The following CDKAL1 variants were observed in gnomAD, a reference collection of about 807,000 sequenced individuals.
CDKAL1 encodes CDKAL1 threonylcarbamoyladenosine tRNA methylthiotransferase, also known as threonylcarbamoyladenosine tRNA methylthiotransferase.
Under a neutral mutation model 68.2 loss-of-function variants are expected in CDKAL1, and 32 were observed. That is an observed-to-expected ratio of 0.47 (90% CI 0.35 to 0.63). The LOEUF is 0.63. Among genes scored for constraint, CDKAL1 ranks in the 30% least tolerant of loss-of-function variants. The probability of loss-of-function intolerance (pLI) is 0.00; values close to 1 mark genes in which losing one functional copy is unlikely to be tolerated. For synonymous variants in CDKAL1, 234 were observed against 244.3 expected (o/e 0.96, Z 0.39); for missense variants, 606 against 696.7 (o/e 0.87, Z 1.47).
chr6:20,647,677 T>C (rs561273582), intron 4 of CDKAL1, among the ~76,000 whole-genome samples: 7 of 152,256 alleles, frequency 4.6e-5, no homozygotes, highest in Non-Finnish European at 7.4e-5. Context: ...TCAGGTGGCA[T>C]TGGGAATAAT....
intron 4 of CDKAL1, among the ~76,000 whole-genome samples, chr6:20,592,612 G>A (rs1297872529): frequency 6.6e-6 from 1 of 152,106 alleles, no homozygotes; most frequent in African/African-American, 2.4e-5. Context: ...GGGATCACAG[G>A]CATGTGCCAC....
intron 9 of CDKAL1, among the ~76,000 whole-genome samples, chr6:20,875,988 TA>T (rs1462969949): frequency 1.3e-5 from 2 of 152,236 alleles, no homozygotes; most frequent in Non-Finnish European, 1.5e-5. Context: ...CATTAATTTT[TA>T]TTAAGCACAG....
intron 9 of CDKAL1, among the ~76,000 whole-genome samples, chr6:20,900,473 A>T (rs1183541435): frequency 6.6e-6 from 1 of 152,250 alleles, no homozygotes; most frequent in Non-Finnish European, 1.5e-5. Flanking sequence ...TGCAGTATGC[A>T]AATAACAGCA....
chr6:21,157,547 T>C (rs1357000640), intron 13 of CDKAL1, among the ~76,000 whole-genome samples: 1 of 152,250 alleles, frequency 6.6e-6, no homozygotes, highest in African/African-American at 2.4e-5. Flanking sequence ...TCTTGTTTAT[T>C]TGTTTTTGTA....
At chr6:20,629,912 G>A (rs1013249647) in intron 4 of CDKAL1, among the ~76,000 whole-genome samples, 18 of 151,882 alleles carry the variant, frequency 1.2e-4, no homozygotes, top group South Asian at 2.1e-4. Flanking sequence ...GGAGTGCAGC[G>A]GCACGATCTT....
intron 9 of CDKAL1, among the ~76,000 whole-genome samples, chr6:20,903,217 G>A (rs992891193): frequency 5.9e-5 from 9 of 151,998 alleles, no homozygotes; most frequent in Middle Eastern, 3.2e-3. Flanking sequence ...AGACACACAC[G>A]AACAACTTTA....
chr6:21,108,282 A>T (rs1773948378), intron 12 of CDKAL1, 119 bp from the exon 13 acceptor site: 1 of 221,900 alleles, frequency 4.5e-6, no homozygotes. Flanking sequence ...GAATCTCTTA[A>T]AAAAAAAAAA....
In CDKAL1 at chr6:21,066,765, G is replaced by T. The variant is rs114890348; in HGVS notation, c.1236+1537G>T. Among the ~76,000 whole-genome samples, 671 of 152,280 alleles carry T rather than the reference G, an allele frequency of 4.4e-3. 3 individuals are homozygous for T. Among genetic ancestry groups the T allele is most frequent in the African/African-American group, 0.015 (616 of 41,554 alleles). ...GCATCTCAAGTAGCTGGGACTACAG[G>T]TGGGTGCCACCATGCCCAGCTCATT... is the stretch of plus-strand genomic sequence containing the variant. On this transcript the variant is annotated intron_variant, in intron 12 of 15. Transcript: ENST00000274695.
intron 5 of CDKAL1, among the ~76,000 whole-genome samples, chr6:20,686,281 C>G (rs185830846): frequency 6.6e-6 from 1 of 152,114 alleles, no homozygotes; most frequent in African/African-American, 2.4e-5. Context: ...GGAACCAGGC[C>G]GCATAGCAGG....
At chr6:20,918,090 G>A (rs565823328) in intron 9 of CDKAL1, among the ~76,000 whole-genome samples, 2 of 152,152 alleles carry the variant, frequency 1.3e-5, no homozygotes, top group African/African-American at 2.4e-5. Flanking sequence ...CAGCCAGGGC[G>A]ACAGCCCAAG....
intron 13 of CDKAL1, among the ~76,000 whole-genome samples, chr6:21,142,613 TG>T: frequency 6.6e-6 from 1 of 152,316 alleles, no homozygotes; most frequent in Middle Eastern, 3.4e-3. Context: ...AGGAGCATAG[TG>T]CCAGGTATTA....
chr6:20,766,023 A>G (rs1463222530), intron 7 of CDKAL1, among the ~76,000 whole-genome samples: 1 of 152,212 alleles, frequency 6.6e-6, no homozygotes. Flanking sequence ...AAGTATTTTT[A>G]GCCATTAAGG....
At chr6:20,548,773 C>A in intron 4 of CDKAL1, 68 bp downstream of exon 4, 1 of 705,350 alleles carries the variant, frequency 1.4e-6, no homozygotes, top group Non-Finnish European at 2.4e-6. Context: ...GATAAATAGC[C>A]TAGCAGTTAA....
At chr6:20,729,906 G>A (rs1244225390) in intron 5 of CDKAL1, among the ~76,000 whole-genome samples, 1 of 152,110 alleles carries the variant, frequency 6.6e-6, no homozygotes, top group Non-Finnish European at 1.5e-5. Flanking sequence ...AATGTGCCAG[G>A]CATACTCTAA....
intron 4 of CDKAL1, among the ~76,000 whole-genome samples, chr6:20,597,980 G>C (rs538606439): frequency 5.8e-4 from 88 of 152,182 alleles, no homozygotes; most frequent in Non-Finnish European, 5.6e-4. Context: ...TGTTAAAAAA[G>C]GATGTGAGTG....
chr6:21,181,097 G>C (rs1235191418), intron 13 of CDKAL1, among the ~76,000 whole-genome samples: 3 of 152,280 alleles, frequency 2.0e-5, no homozygotes, highest in African/African-American at 7.2e-5. Context: ...GAGGGTAGGA[G>C]TAAGAGAGAG....
chr6:21,190,046 C>G (rs1323072518), intron 13 of CDKAL1, among the ~76,000 whole-genome samples: 20 of 152,014 alleles, frequency 1.3e-4, no homozygotes, highest in Non-Finnish European at 2.9e-5. Flanking sequence ...TATGTGAGGG[C>G]AGGCTTTTGC....
chr6:21,152,219 C>T (rs1209286128), intron 13 of CDKAL1, among the ~76,000 whole-genome samples: 2 of 152,176 alleles, frequency 1.3e-5, no homozygotes, highest in Non-Finnish European at 2.9e-5. Context: ...AACTCTCAAT[C>T]AGATCCCTTC....
chr6:21,153,034 A>G (rs1427922935), intron 13 of CDKAL1, among the ~76,000 whole-genome samples: 1 of 152,222 alleles, frequency 6.6e-6, no homozygotes, highest in East Asian at 1.9e-4. Flanking sequence ...AGCCATTTGA[A>G]TAATTCATGT....
Sources: allele counts gnomAD v4.1 joint callset (sites outside exome capture counted in the v4.1 genomes callset), GRCh38; gene constraint gnomAD v4.1.1; transcripts MANE v1.5; gene names NCBI Gene and HGNC (gene_info 2026-07-23, HGNC 2026-07-21).